TENM1: variants seen among roughly 807,000 people sequenced by gnomAD.
TENM1 encodes the protein teneurin-1.
In TENM1, 35 loss-of-function variants were observed where a neutral mutation model predicts 174.8. The ratio of observed to expected loss-of-function variants is 0.20; its 90% CI spans 0.15 to 0.27. The LOEUF (loss-of-function observed/expected upper bound fraction) is 0.27. Among genes scored for constraint, TENM1 ranks in the 10% least tolerant of loss-of-function variants. The pLI, the probability that TENM1 is intolerant of heterozygous loss-of-function variation, is 1.00. For synonymous variants in TENM1, 781 were observed against 798.7 expected (o/e 0.98, Z 0.37); for missense variants, 1,633 against 2,130.1 (o/e 0.77, Z 4.59).
At chrX:124,963,559 T>C (rs770445434) in exon 1 of TENM1, 133 of 1,208,903 alleles carry the variant, frequency 1.1e-4, no homozygotes, top group Non-Finnish European at 1.4e-4. Context: ...TTTCTACTTC[T>C]TTCCTCTTTC....
At chrX:125,201,873 C>T in the TENM1 span, among the ~76,000 whole-genome samples, 1 of 111,473 alleles carries the variant, frequency 9.0e-6, no homozygotes, top group African/African-American at 3.3e-5. Flanking sequence ...ACTAAAATGG[C>T]AAAATTGGGA....
chrX:124,787,032 T>A (rs2055054000), intron 3 of TENM1, among the ~76,000 whole-genome samples: 1 of 112,108 alleles, frequency 8.9e-6, no homozygotes, highest in Non-Finnish European at 1.9e-5. Context: ...CTTTCAGTAT[T>A]CATGGAAACA....
chrX:124,820,284 C>T (rs2056009942), intron 3 of TENM1, among the ~76,000 whole-genome samples: 1 of 111,392 alleles, frequency 9.0e-6, no homozygotes, highest in Non-Finnish European at 1.9e-5. Context: ...TTTCCTTATA[C>T]AGTTTTATCT....
In TENM1 at chrX:124,520,791, TAAA is replaced by T. The variant is rs112813437; in HGVS notation, c.3034-10_3034-8del. ...GAATTTCCTCCTGTACAACCTGAAA[TAAA>T]AAAAAAAAAAAAAAGCCAAATAGGC... is the stretch of plus-strand genomic sequence containing the variant. On this transcript the variant is annotated splice_polypyrimidine_tract_variant and splice_region_variant and intron_variant, in intron 17 of 31. Transcript: ENST00000422452. The T allele has an allele frequency of 0.067, 66,478 of 985,356 alleles. 471 individuals are homozygous for T. Among genetic ancestry groups the T allele is most frequent in the African/African-American group, 0.15 (6,349 of 42,098 alleles). The allele number at this position is 985,356 out of a possible 1,213,427, so 81.2% of individuals were successfully genotyped here.
At chrX:125,030,675 T>C in the TENM1 span, among the ~76,000 whole-genome samples, 1 of 112,044 alleles carries the variant, frequency 8.9e-6, no homozygotes, top group Non-Finnish European at 1.9e-5. Context: ...AACATTTTAG[T>C]AGTGTGAAAA....
At chrX:125,076,329 T>G in the TENM1 span, among the ~76,000 whole-genome samples, 1 of 106,048 alleles carries the variant, frequency 9.4e-6, no homozygotes, top group Non-Finnish European at 1.9e-5. Flanking sequence ...TGTAAATATA[T>G]TATGTATTGT....
the TENM1 span, among the ~76,000 whole-genome samples, chrX:125,170,057 C>T: frequency 9.0e-6 from 1 of 111,231 alleles, no homozygotes; most frequent in African/African-American, 3.3e-5. Context: ...ATGTCTCCCT[C>T]ATTGGACTAG....
At chrX:124,964,747 T>C (rs2058703694), upstream of TENM1, among the ~76,000 whole-genome samples, 4 of 112,228 alleles carry the variant, frequency 3.6e-5, no homozygotes, top group Admixed American at 3.8e-4. Flanking sequence ...TTACATTATT[T>C]TGTCATCACC....
At chrX:125,180,519 TA>T in the TENM1 span, among the ~76,000 whole-genome samples, 4 of 106,374 alleles carry the variant, frequency 3.8e-5, no homozygotes, top group Non-Finnish European at 7.7e-5. Context: ...AAAATAATAA[TA>T]AATAAAAATA....
rs150883919 is a variant in TENM1 at position 124,807,295 on chromosome X, A to T, written c.536-70098T>A. 3.0e-4 allele frequency among the ~76,000 whole-genome samples: 34 copies of T among 112,032 alleles called. No homozygotes were observed. The East Asian group carries it at 7.0e-3, about 23-fold the overall frequency. On this transcript the variant is annotated intron_variant, in intron 3 of 31. Coordinates refer to ENST00000422452, the Ensembl canonical transcript of TENM1. Reference sequence around the variant, plus strand: ...AATATCCAAATTCTATCACCAGGAGAGAGCTGTATGATATATGCAAACTGC... The same window carrying T: ...AATATCCAAATTCTATCACCAGGAGTGAGCTGTATGATATATGCAAACTGC...
intron 11 of TENM1, among the ~76,000 whole-genome samples, chrX:124,616,258 TGAA>T (rs1450800347): frequency 6.2e-5 from 7 of 113,078 alleles, no homozygotes; most frequent in Non-Finnish European, 1.3e-4. Flanking sequence ...ACTTCTTATA[TGAA>T]GAAGATGCTG....
chrX:124,621,365 C>T (rs895729158), intron 11 of TENM1, among the ~76,000 whole-genome samples: 6 of 110,769 alleles, frequency 5.4e-5, no homozygotes, highest in African/African-American at 1.6e-4. Context: ...CCCAGTTACT[C>T]GGGAGGCCGA....
At chrX:124,868,149 C>T (rs765773472) in intron 3 of TENM1, among the ~76,000 whole-genome samples, 2 of 111,616 alleles carry the variant, frequency 1.8e-5, no homozygotes, top group African/African-American at 3.3e-5. Context: ...TTATATGGAA[C>T]GATAAAAGAG....
In TENM1 at chrX:124,587,041, A is replaced by T. The variant is rs770809707; in HGVS notation, c.2078-21481T>A. On this transcript the variant is annotated intron_variant, in intron 11 of 31. Coordinates refer to ENST00000422452, the Ensembl canonical transcript of TENM1. ...CCACTGCTCAAGGAAATAAAAGAGG[A>T]TACAAACAAATGGAAGAACATTCCA... Among the ~76,000 whole-genome samples, 556 of 109,535 alleles carry T rather than the reference A, an allele frequency of 5.1e-3. 2 individuals are homozygous for T. Among genetic ancestry groups the T allele is most frequent in the African/African-American group, 0.018 (528 of 30,022 alleles).
the TENM1 span, among the ~76,000 whole-genome samples, chrX:125,155,913 G>A: frequency 8.9e-6 from 1 of 112,788 alleles, no homozygotes; most frequent in Non-Finnish European, 1.9e-5. Flanking sequence ...CCCCCACAGT[G>A]CAGCGGCGGG....
intron 3 of TENM1, among the ~76,000 whole-genome samples, chrX:124,760,030 T>C (rs1209775436): frequency 2.7e-5 from 3 of 111,074 alleles, no homozygotes; most frequent in African/African-American, 9.8e-5. Context: ...CTTTCACGAC[T>C]AATTGTCTCT....
chrX:124,735,343 G>A (rs923482397), intron 4 of TENM1, among the ~76,000 whole-genome samples: 4 of 112,019 alleles, frequency 3.6e-5, no homozygotes, highest in Middle Eastern at 4.2e-3. Flanking sequence ...ACAAACAGAT[G>A]AAAAAATGCT....
At chrX:125,039,408 C>T in the TENM1 span, among the ~76,000 whole-genome samples, 1 of 111,099 alleles carries the variant, frequency 9.0e-6, no homozygotes, top group African/African-American at 3.3e-5. Context: ...TCAAATGGAA[C>T]CACCAGGGGA....
At chrX:124,451,889 T>A (rs941267187) in intron 23 of TENM1, among the ~76,000 whole-genome samples, 1 of 112,214 alleles carries the variant, frequency 8.9e-6, no homozygotes, top group Non-Finnish European at 1.9e-5. Context: ...GATTAAAGAC[T>A]TAAATGTTAG....
Sources: gnomAD v4.1 joint callset for allele counts (sites outside exome capture counted in the v4.1 genomes callset) on GRCh38, gnomAD v4.1.1 for gene constraint, MANE v1.5 for transcripts, NCBI Gene and HGNC (gene_info 2026-07-23, HGNC 2026-07-21) for gene names.